METTL17: variants seen among roughly 807,000 people sequenced by gnomAD.
METTL17 encodes ribosome assembly protein METTL17, mitochondrial.
Under a neutral mutation model 59.4 loss-of-function variants are expected in METTL17, and 49 were observed. The observed-to-expected ratio is 0.82, with a 90% CI of 0.66 to 1.05. METTL17 has a LOEUF of 1.05. Ranked by LOEUF, METTL17 falls within the 50% of genes least tolerant of loss-of-function variation. METTL17 has a pLI of 0.00. For missense variants in METTL17, 555 were observed against 578.4 expected (o/e 0.96, Z 0.41); for synonymous variants, 208 against 209.2 (o/e 0.99, Z 0.05).
At chr14:20,995,734 T>G in intron 10 of METTL17, 167 bp from the exon 11 acceptor site, 1 of 604,472 alleles carries the variant, frequency 1.7e-6, no homozygotes, top group Non-Finnish European at 2.9e-6. Flanking sequence ...AAAGAGAAAG[T>G]TCTTTGTTTG....
Position 20,996,582 on chromosome 14 carries a change from C to T in METTL17, c.1136C>T (p.Pro379Leu), listed in dbSNP as rs371718317. The T allele has an allele frequency of 6.2e-7, 1 of 1,614,062 alleles. No homozygotes were observed. Among genetic ancestry groups the T allele is most frequent in the Non-Finnish European group, 8.5e-7 (1 of 1,180,048 alleles). ...FSMVILARGS[P>L]EEAHRWPRIT... ...ATGGTGATCCTTGCTCGGGGGTCTC[C>T]AGAGGAGGCTCATCGCTGGCCCCGT... The change falls in exon 13 of 14, where the codon CCA becomes CTA. Residue 379 changes from proline (P) to leucine (L), a missense_variant. By Grantham distance (98) the Pro-to-Leu change is moderately conservative. Transcript: ENST00000339374.
Position 20,992,128 on chromosome 14 carries a change from A to T in METTL17, c.369A>T (p.Leu123Phe). ...CAGTCCTTGTTCTCACCACAGACTTATCTCAGACAGAGGAGAAACTTCGTG... is the reference window on the plus strand; with the variant it reads ...CAGTCCTTGTTCTCACCACAGACTTTTCTCAGACAGAGGAGAAACTTCGTG... ...LEKKFLENPDLSQTEEKLRGA... is the reference protein window; with the variant it reads ...LEKKFLENPDFSQTEEKLRGA... Residue 123 changes from leucine to phenylalanine, a missense_variant, in exon 4 of 14, where the codon TTA (leucine) becomes TTT (phenylalanine). Leu to Phe is a conservative substitution (Grantham distance 22). Transcript: ENST00000339374. 1.9e-6 allele frequency: 3 copies of T among 1,613,300 alleles called. No individual in the cohort carries two copies. The highest frequency in any genetic ancestry group is 2.5e-6 in the Non-Finnish European group (3 of 1,179,732).
At chr14:20,991,797 GAGCTTACAGGCGTGAGCCACCGCACCC>G (rs1880041339) in intron 3 of METTL17, 1 of 247,138 alleles carries the variant, frequency 4.0e-6, no homozygotes, top group Non-Finnish European at 7.8e-6. Context: ...CCAAAGTGCT[GAGCTTACAGGCGTGAGCCACCGCACCC>G]AGCTTACCCT....
chr14:20,989,999 A>G lies in METTL17; in HGVS notation c.-4A>G. The G allele has an allele frequency of 2.5e-6, 4 of 1,588,160 alleles. No individual in the cohort carries two copies. The highest frequency in any genetic ancestry group is 3.4e-6 in the Non-Finnish European group (4 of 1,164,466). On this transcript the variant is annotated 5_prime_UTR_variant, in exon 1 of 14. Coordinates refer to ENST00000339374, the MANE Select transcript of METTL17 (RefSeq NM_022734.3). ...ATTTCCGTTTCCGGTTCGCCTCCGG[A>G]GCCATGGCGGCGGCACTGAAGTGTC...
chr14:20,990,168 C>G (rs749556515), intron 1 of METTL17, 62 bp from the exon 2 acceptor site: 2 of 1,611,822 alleles, frequency 1.2e-6, no homozygotes, highest in Middle Eastern at 1.6e-4. Flanking sequence ...AGCCCCCGCC[C>G]TAGCGATTGC....
Position 20,993,108 on chromosome 14 carries a change from A to G in METTL17, c.529-10A>G. ...ATTACCCTACTGTGGGATGTTGTAT[A>G]TTTCTTCAGATCCGGGCTCGAAATC... On this transcript the variant is annotated splice_polypyrimidine_tract_variant and intron_variant, in intron 5 of 13. Coordinates refer to ENST00000339374, the MANE Select transcript of METTL17 (RefSeq NM_022734.3). 1 of 1,613,640 alleles carries G rather than the reference A, an allele frequency of 6.2e-7. No homozygotes were observed. The highest frequency in any genetic ancestry group is 8.5e-7 in the Non-Finnish European group (1 of 1,179,562).
chr14:20,996,622 C>T lies in METTL17; in HGVS notation c.1176C>T (p.Val392=). Residue 392 remains valine, a synonymous_variant, in exon 13 of 14, where the codon GTC becomes GTT. Coordinates refer to ENST00000339374, the MANE Select transcript of METTL17 (RefSeq NM_022734.3). The stretch of plus-strand genomic sequence containing the variant: ...GCTGGCCCCGTATCACTCAGCCTGT[C>T]CTTAAACGGCCTCGCCATGTGCATT... ...AHRWPRITQP[V]LKRPRHVHCH... The T allele has an allele frequency of 2.5e-6, 4 of 1,614,238 alleles. No individual in the cohort carries two copies. The highest frequency in any genetic ancestry group is 3.4e-6 in the Non-Finnish European group (4 of 1,180,048).
At chr14:20,993,476 CTT>C in intron 6 of METTL17, 2 of 367,486 alleles carry the variant, frequency 5.4e-6, no homozygotes. Flanking sequence ...TTGAGTCTAC[CTT>C]TTTTTTTTCT....
chr14:20,992,722 A>AT (rs895184429), intron 5 of METTL17, 100 bp downstream of exon 5: 4,825 of 744,206 alleles, frequency 6.5e-3, no homozygotes, highest in Non-Finnish European at 7.4e-3. Context: ...TTGCATATGC[A>AT]TTTTTTTTTT....
chr14:20,990,520 A>G lies in METTL17; in HGVS notation c.286A>G (p.Ser96Gly). 2 of 1,614,232 alleles carry G rather than the reference A, an allele frequency of 1.2e-6. No homozygotes were observed. The highest frequency in any genetic ancestry group is 1.7e-6 in the Non-Finnish European group (2 of 1,180,038). The change falls in exon 3 of 14, where the codon AGC (serine) becomes GGC (glycine). Residue 96 changes from serine (S) to glycine (G), a missense_variant. Physicochemically the swap from Ser to Gly is moderately conservative, Grantham distance 56 (BLOSUM62 0). Transcript: ENST00000339374. ...GCAAACACTGACCAGTTATCTCTGG[A>G]GCAGACATTTGCCTGTAGAGCCAGA... Reference protein sequence around the residue: ...QVQTLTSYLWSRHLPVEPEEL... With the variant: ...QVQTLTSYLWGRHLPVEPEEL...
chr14:20,995,826 T>C, intron 10 of METTL17, 75 bp from the exon 11 acceptor site: 1 of 1,221,034 alleles, frequency 8.2e-7, no homozygotes, highest in South Asian at 1.2e-5. Flanking sequence ...GTCCTCAGTT[T>C]ACTGAGTGCA....
Position 20,990,608 on chromosome 14 carries a change from A to C in METTL17, c.364+10A>C. 1 of 1,612,894 alleles carries C rather than the reference A, an allele frequency of 6.2e-7. No homozygotes were observed. On this transcript the variant is annotated intron_variant, in intron 3 of 13. Coordinates refer to ENST00000339374, the MANE Select transcript of METTL17 (RefSeq NM_022734.3). Reference sequence around the variant, plus strand: ...TTCCTGGAAAACCCAGGTAGGACTTAAGAATAATTAAAAAGTGGGCGAGAT... The same window carrying C: ...TTCCTGGAAAACCCAGGTAGGACTTCAGAATAATTAAAAAGTGGGCGAGAT...
intron 7 of METTL17, 35 bp from the exon 8 acceptor site, chr14:20,994,508 T>G (rs1384338888): frequency 3.2e-6 from 5 of 1,564,860 alleles, no homozygotes; most frequent in Non-Finnish European, 4.4e-6. Context: ...CCTAACTTCC[T>G]ACACACTCAC....
At chr14:20,990,830 T>TTTGTTTG (rs574296018) in intron 3 of METTL17, 66 of 474,952 alleles carry the variant, frequency 1.4e-4, no homozygotes, top group Middle Eastern at 5.8e-4. Flanking sequence ...TTGTTTGTTT[T>TTTGTTTG]GTTGTTTTGT....
At chr14:20,993,887 G>T in intron 6 of METTL17, 82 bp from the exon 7 acceptor site, 1 of 853,208 alleles carries the variant, frequency 1.2e-6, no homozygotes, top group South Asian at 1.6e-5. Flanking sequence ...TCCCAGGGGT[G>T]GGGTTGGGTG....
intron 7 of METTL17, 114 bp from the exon 8 acceptor site, chr14:20,994,429 C>A: frequency 1.1e-6 from 1 of 905,824 alleles, no homozygotes; most frequent in Non-Finnish European, 1.8e-6. Flanking sequence ...CTCATCCCTG[C>A]CCTTTTTGAT....
intron 3 of METTL17, 158 bp downstream of exon 3, chr14:20,990,756 T>G (rs1879986288): frequency 2.3e-6 from 2 of 872,974 alleles, no homozygotes; most frequent in Non-Finnish European, 3.5e-6. Flanking sequence ...TAAAAGAAGG[T>G]AGATTATTTT....
At position 20,990,261 on chromosome 14, in the gene METTL17, A is replaced by C. The variant is rs1879957204; in HGVS notation, c.107A>C (p.Gln36Pro). 2.5e-6 allele frequency: 4 copies of C among 1,614,100 alleles called. No individual in the cohort carries two copies. The highest frequency in any genetic ancestry group is 1.6e-4 in the Middle Eastern group (1 of 6,084). ...GCCGCCTTAGTACCCGGAGTGACCC[A>C]GGTAGATAACAAGTCCGGTTTCCTG... ...ALAALVPGVTQVDNKSGFLQK... is the reference protein window; with the variant it reads ...ALAALVPGVTPVDNKSGFLQK... Residue 36 changes from glutamine (Q) to proline (P), a missense_variant, in exon 2 of 14, where the codon CAG (glutamine) becomes CCG (proline). By Grantham distance (76) the Gln-to-Pro change is moderately conservative. Coordinates refer to ENST00000339374, the MANE Select transcript of METTL17 (RefSeq NM_022734.3).
chr14:20,995,056 A>G (rs554900348), intron 9 of METTL17, 109 bp from the exon 10 acceptor site: 1 of 1,200,388 alleles, frequency 8.3e-7, no homozygotes, highest in East Asian at 2.3e-5. Flanking sequence ...TGTAATGCCT[A>G]TTTCTTTTTA....
Sources: gnomAD v4.1 joint callset for allele counts on GRCh38, gnomAD v4.1.1 for gene constraint, MANE v1.5 for transcripts, NCBI Gene and HGNC (gene_info 2026-07-23, HGNC 2026-07-21) for gene names.